CCDC122: variants seen among roughly 807,000 people sequenced by gnomAD.
CCDC122 encodes the protein coiled-coil domain-containing protein 122.
A neutral mutation model predicts 37.0 loss-of-function variants in CCDC122; 38 were observed. That is an observed-to-expected ratio of 1.03 (90% confidence interval 0.79 to 1.35). The LOEUF is 1.35. CCDC122 is among the 40% of genes most tolerant of loss of function. The pLI is 0.00. For synonymous variants in CCDC122, 83 were observed against 95.6 expected, an observed-to-expected ratio of 0.87 and a Z score of 0.77; for missense variants, 305 against 310.0, an observed-to-expected ratio of 0.98 and a Z score of 0.12.
intron 4 of CCDC122, among the ~76,000 whole-genome samples, chr13:43,866,445 G>C (rs1954280072): frequency 6.6e-6 from 1 of 152,090 alleles, no homozygotes. Flanking sequence ...ATGACTTTTA[G>C]AATTAGCCTA....
At chr13:43,853,074 A>G (rs944386028) in intron 6 of CCDC122, among the ~76,000 whole-genome samples, 1 of 152,222 alleles carries the variant, frequency 6.6e-6, no homozygotes, top group Non-Finnish European at 1.5e-5. Context: ...AGGCAACCAC[A>G]TAAACAAGTC....
intron 6 of CCDC122, among the ~76,000 whole-genome samples, chr13:43,850,201 GA>G (rs1566945210): frequency 1.3e-5 from 2 of 152,110 alleles, no homozygotes; most frequent in Non-Finnish European, 2.9e-5. Flanking sequence ...GGAGAATCTA[GA>G]CCCCAATGGC....
At chr13:43,847,797 C>T (rs77055607) in intron 6 of CCDC122, among the ~76,000 whole-genome samples, 1 of 151,962 alleles carries the variant, frequency 6.6e-6, no homozygotes, top group African/African-American at 2.4e-5. Flanking sequence ...TTTGTTGAGA[C>T]AGGGTCTTGC....
chr13:43,873,720 G>C (rs996186795), intron 2 of CCDC122, among the ~76,000 whole-genome samples: 3 of 152,084 alleles, frequency 2.0e-5, no homozygotes, highest in Non-Finnish European at 4.4e-5. Context: ...AATTATACTG[G>C]AATCCAATCA....
At chr13:43,842,717 GTT>G (rs1429684620) in intron 6 of CCDC122, among the ~76,000 whole-genome samples, 9 of 151,836 alleles carry the variant, frequency 5.9e-5, no homozygotes, top group Non-Finnish European at 1.5e-5. Context: ...TTTTATTGTA[GTT>G]TTGCACATTT....
intron 4 of CCDC122, among the ~76,000 whole-genome samples, chr13:43,868,237 C>T (rs190914722): frequency 1.3e-4 from 20 of 152,058 alleles, no homozygotes; most frequent in Admixed American, 2.6e-4. Context: ...ACGTTGCATG[C>T]GAAGACCAAG....
At chr13:43,862,792 T>C (rs973594755) in intron 4 of CCDC122, among the ~76,000 whole-genome samples, 1 of 152,196 alleles carries the variant, frequency 6.6e-6, no homozygotes, top group African/African-American at 2.4e-5. Context: ...AAGAAGTATA[T>C]TGACCCATAC....
chr13:43,877,738 G>A (rs572476433), intron 1 of CCDC122: 1 of 152,334 alleles, frequency 6.6e-6, no homozygotes, highest in South Asian at 2.1e-4. Context: ...TTTTATTTGA[G>A]TGGCTTGGGA....
At chr13:43,824,048 T>C (rs912227302) in intron 3 of CCDC122, 1 of 152,208 alleles carries the variant, frequency 6.6e-6, no homozygotes, top group Non-Finnish European at 1.5e-5. Context: ...TAAATAATGA[T>C]TTCATGTTTT....
chr13:43,829,663 G>A (rs1025888937), intron 3 of CCDC122, among the ~76,000 whole-genome samples: 16 of 151,962 alleles, frequency 1.1e-4, no homozygotes, highest in African/African-American at 3.6e-4. Flanking sequence ...ATTATAGAAG[G>A]ACATAGAATC....
chr13:43,867,432 T>A (rs1220036363), intron 4 of CCDC122, among the ~76,000 whole-genome samples: 3 of 152,082 alleles, frequency 2.0e-5, no homozygotes, highest in African/African-American at 7.2e-5. Context: ...TCCCTAACCT[T>A]TAAACCTGTC....
intron 6 of CCDC122, among the ~76,000 whole-genome samples, chr13:43,844,661 C>T (rs1953460117): frequency 1.3e-5 from 2 of 151,854 alleles, no homozygotes; most frequent in Non-Finnish European, 2.9e-5. Context: ...TATTTTGAAA[C>T]TCTGTTATTA....
intron 4 of CCDC122, among the ~76,000 whole-genome samples, chr13:43,864,611 C>T (rs1320168218): frequency 6.6e-6 from 1 of 152,090 alleles, no homozygotes; most frequent in Non-Finnish European, 1.5e-5. Context: ...AACTCCTTTG[C>T]TCCCAAAGGA....
chr13:43,845,667 T>C (rs984638641), intron 6 of CCDC122, among the ~76,000 whole-genome samples: 1 of 152,172 alleles, frequency 6.6e-6, no homozygotes, highest in Non-Finnish European at 1.5e-5. Context: ...AGCTGAGATC[T>C]TGCCACTGCA....
At chr13:43,835,165 A>G (rs1395778921), downstream of CCDC122, among the ~76,000 whole-genome samples, 1 of 152,358 alleles carries the variant, frequency 6.6e-6, no homozygotes, top group South Asian at 2.1e-4. Flanking sequence ...TTGTAGGGAC[A>G]TGGATGAAGC....
intron 6 of CCDC122, among the ~76,000 whole-genome samples, chr13:43,851,615 C>T (rs556998446): frequency 2.2e-4 from 33 of 152,308 alleles, no homozygotes; most frequent in African/African-American, 7.0e-4. Flanking sequence ...GATGAGTGTG[C>T]ACCCCACTGC....
rs1371782822 is a variant in CCDC122 at position 43,840,779 on chromosome 13, A to AT, written c.673-3351_673-3350insA. Among the ~76,000 whole-genome samples the AT allele has an allele frequency of 2.6e-4, 38 of 148,194 alleles. 2 individuals carry two copies. The highest frequency in any genetic ancestry group is 9.1e-4 in the African/African-American group (36 of 39,486). On this transcript the variant is annotated intron_variant, in intron 6 of 6. Coordinates refer to ENST00000444614, the MANE Select transcript of CCDC122 (RefSeq NM_144974.5). ...GTGCCACATTTTCTTAATCCAGTTT[A>AT]CAATTGTTGGACATTTGGGTGGGTT...
In CCDC122 at chr13:43,859,807, C is replaced by T. The variant is rs772088506; in HGVS notation, c.420G>A (p.Gly140=). ...TAAATGACCATTTGCTCTCTACTTC[C>T]CCCAAACTATTTTTATGTGCTTTTA... is the stretch of plus-strand genomic sequence containing the variant. The part of the protein sequence containing the change: ...AKIKAHKNSL[G]EVESKWSFMT... The change falls in exon 5 of 7, where the codon GGG becomes GGA. Residue 140 remains glycine, a synonymous_variant. Coordinates refer to ENST00000444614, the MANE Select transcript of CCDC122 (RefSeq NM_144974.5). 3.7e-6 allele frequency: 6 copies of T among 1,609,346 alleles called. No individual in the cohort carries two copies. In the East Asian group the frequency reaches 1.1e-4, roughly 30 times the overall value.
chr13:43,838,096 C>T (rs1953224337), intron 6 of CCDC122, among the ~76,000 whole-genome samples: 1 of 152,190 alleles, frequency 6.6e-6, no homozygotes, highest in Admixed American at 6.5e-5. Flanking sequence ...TGCCTGCCCA[C>T]TTTGTGAAGT....
Sources: gnomAD v4.1 joint callset for allele counts (sites outside exome capture counted in the v4.1 genomes callset) on GRCh38, gnomAD v4.1.1 for gene constraint, MANE v1.5 for transcripts, NCBI Gene and HGNC (gene_info 2026-07-23, HGNC 2026-07-21) for gene names.